The following GZMM variants were observed in gnomAD, a reference collection of about 807,000 sequenced individuals.
The protein encoded by GZMM is granzyme M.
Under a neutral mutation model 19.2 loss-of-function variants are expected in GZMM, and 23 were observed. The observed-to-expected ratio is 1.20, with a 90% CI of 0.86 to 1.69. The LOEUF is 1.69. Ranked by LOEUF, GZMM falls within the 40% of genes most tolerant of loss-of-function variation. GZMM has a pLI of 0.00. For synonymous variants in GZMM, 178 were observed against 160.2 expected (o/e 1.11, Z -0.84); for missense variants, 373 against 352.2 (o/e 1.06, Z -0.47).
At chr19:549,273 C>G in intron 4 of GZMM, 88 bp downstream of exon 4, 1 of 1,287,470 alleles carries the variant, frequency 7.8e-7, no homozygotes, top group Non-Finnish European at 1.1e-6. Context: ...CTGGCTCTCC[C>G]GTTCTCTGGG....
intron 2 of GZMM, among the ~76,000 whole-genome samples, chr19:547,796 G>A (rs1043350448): frequency 2.0e-5 from 3 of 152,222 alleles, no homozygotes; most frequent in Middle Eastern, 3.4e-3. Context: ...GGGTCAGGTG[G>A]GGGTGTTTGC....
At position 547,395 on chromosome 19, in the gene GZMM, C is replaced by T. The variant is rs1980328899; in HGVS notation, c.171C>T (p.His57=). 6.6e-7 allele frequency: 1 copy of T among 1,522,530 alleles called. No individual in the cohort carries two copies. The highest frequency in any genetic ancestry group is 8.8e-7 in the Non-Finnish European group (1 of 1,134,662). The allele number at this position is 1,522,530 out of a possible 1,614,324, so 94.3% of individuals were successfully genotyped here. The change falls in exon 2 of 5, where the codon CAC becomes CAT. Residue 57 remains histidine (H), a synonymous_variant. Coordinates refer to ENST00000264553, the MANE Select transcript of GZMM (RefSeq NM_005317.4). ...GSHLCGGVLV[H]PKWVLTAAHC... The stretch of plus-strand genomic sequence containing the variant: ...ACCTGTGCGGGGGTGTCCTGGTGCA[C>T]CCAAAGTGGGTGCTGACGGCTGCCC...
At chr19:546,395 G>C (rs1980282578) in intron 1 of GZMM, among the ~76,000 whole-genome samples, 1 of 151,814 alleles carries the variant, frequency 6.6e-6, no homozygotes. Context: ...AAAAAAATTA[G>C]CCGGACGTGG....
intron 1 of GZMM, among the ~76,000 whole-genome samples, chr19:544,960 AACC>A (rs59558746): frequency 0.24 from 16,280 of 67,168 alleles, 1,352 homozygotes; most frequent in Middle Eastern, 0.38. Flanking sequence ...CCCTCCTTTC[AACC>A]TCCCTCCTTC....
intron 1 of GZMM, among the ~76,000 whole-genome samples, chr19:545,746 C>T (rs1178390544): frequency 1.3e-5 from 2 of 151,734 alleles, no homozygotes; most frequent in East Asian, 1.9e-4. Flanking sequence ...CGGGTTCAAG[C>T]GATTCTCCTG....
intron 1 of GZMM, among the ~76,000 whole-genome samples, chr19:546,076 G>GC (rs1980271009): frequency 1.3e-5 from 2 of 152,142 alleles, no homozygotes; most frequent in South Asian, 4.1e-4. Context: ...CACTGCACCG[G>GC]CCCGCAAGCG....
At position 548,965 on chromosome 19, in the gene GZMM, C is replaced by T; in HGVS notation, c.392C>T (p.Ala131Val). The T allele has an allele frequency of 6.3e-7, 1 of 1,599,558 alleles. No individual in the cohort carries two copies. Among genetic ancestry groups the T allele is most frequent in the Non-Finnish European group, 8.5e-7 (1 of 1,172,364 alleles). The part of the protein sequence containing the change: ...VKPSRTIRPL[A>V]LPSKRQVVAA... ...CCCAGCCGGACCATCCGGCCGTTGGCCCTGCCCAGTAAGCGCCAGGTGGTG... is the reference window on the plus strand; with the variant it reads ...CCCAGCCGGACCATCCGGCCGTTGGTCCTGCCCAGTAAGCGCCAGGTGGTG... Residue 131 changes from alanine (A) to valine (V), a missense_variant, in exon 4 of 5, where the codon GCC becomes GTC. Transcript: ENST00000264553.
intron 4 of GZMM, 35 bp from the exon 5 acceptor site, chr19:549,595 T>C (rs1599883): frequency 0.96 from 1,526,269 of 1,594,540 alleles, 731,091 homozygotes; most frequent in East Asian, 1. Flanking sequence ...CCTCAGCAGG[T>C]GCAGAGGCTG....
In GZMM at chr19:549,707, C is replaced by T. The variant is rs139629210; in HGVS notation, c.690C>T (p.Cys230=). 52 of 1,613,710 alleles carry T rather than the reference C, an allele frequency of 3.2e-5. No individual in the cohort carries two copies. In the African/African-American group the frequency reaches 6.3e-4, roughly 19 times the overall value. Reference sequence around the variant, plus strand: ...TCCTGTCCTTCAGCTCCAGGGTCTGCACTGACATCTTCAAGCCTCCCGTGG... The same window carrying T: ...TCCTGTCCTTCAGCTCCAGGGTCTGTACTGACATCTTCAAGCCTCCCGTGG... ...ARVLSFSSRV[C]TDIFKPPVAT... is the part of the protein sequence containing the mutation. Residue 230 remains cysteine (C), a synonymous_variant, in exon 5 of 5, where the codon TGC becomes TGT. Transcript: ENST00000264553.
intron 1 of GZMM, among the ~76,000 whole-genome samples, chr19:545,705 A>G (rs555028752): frequency 2.1e-5 from 3 of 143,182 alleles, no homozygotes; most frequent in East Asian, 2.1e-4. Flanking sequence ...GTGCAATGGC[A>G]CGATCTCGGC....
intron 1 of GZMM, among the ~76,000 whole-genome samples, chr19:546,980 C>T (rs542855947): frequency 5.9e-5 from 9 of 151,592 alleles, no homozygotes; most frequent in South Asian, 4.2e-4. Flanking sequence ...CACCCACATC[C>T]GGCCTGATGT....
chr19:545,865 G>A lies in GZMM; in HGVS notation c.56-1415G>A, dbSNP rs995318002. On this transcript the variant is annotated intron_variant, in intron 1 of 4. Coordinates refer to ENST00000264553, the MANE Select transcript of GZMM (RefSeq NM_005317.4). ...TCACCGTGTTAGCCAGGATGGTCTC[G>A]ATCTCCTGACCTCGTGATCCACCTG... Among the ~76,000 whole-genome samples the A allele has an allele frequency of 6.8e-5, 10 of 147,314 alleles. No homozygotes were observed. The East Asian group carries it at 1.1e-3, about 15-fold the overall frequency.
intron 1 of GZMM, 132 bp from the exon 2 acceptor site, chr19:547,148 G>A (rs1223875224): frequency 1.3e-6 from 1 of 773,630 alleles, no homozygotes; most frequent in Non-Finnish European, 1.9e-6. Flanking sequence ...AAAAGTTTCG[G>A]GGAACACTGG....
At chr19:544,961 A>T (rs1239310525) in intron 1 of GZMM, among the ~76,000 whole-genome samples, 8 of 32,062 alleles carry the variant, frequency 2.5e-4, no homozygotes, top group African/African-American at 7.1e-4. Context: ...CCTCCTTTCA[A>T]CCTCCCTCCT....
chr19:549,189 A>AG lies in GZMM; in HGVS notation c.612+8dup. 1 of 1,562,984 alleles carries AG rather than the reference A, an allele frequency of 6.4e-7. No homozygotes were observed. On this transcript the variant is annotated splice_donor_region_variant and intron_variant, in intron 4 of 4. Coordinates refer to ENST00000264553, the MANE Select transcript of GZMM (RefSeq NM_005317.4). Reference sequence around the variant, plus strand: ...CAAGGACCAGGCTCCCTGCAAGGTGAGGGGCGCCCGGGTGGGGCTGGGGGA... The same window carrying AG: ...CAAGGACCAGGCTCCCTGCAAGGTGAGGGGGCGCCCGGGTGGGGCTGGGGGA...
rs776915808 is a variant in GZMM at position 549,123 on chromosome 19, G to A, written c.550G>A (p.Gly184Ser). 4.0e-5 allele frequency: 64 copies of A among 1,580,612 alleles called. No individual in the cohort carries two copies. Among genetic ancestry groups the A allele is most frequent in the Non-Finnish European group, 5.3e-5 (62 of 1,164,482 alleles). ...RMCNNSRFWN[G>S]SLSPSMVCLA... ...GTGTAACAACAGCCGCTTCTGGAAC[G>A]GCAGCCTCTCCCCCAGCATGGTCTG... Residue 184 changes from glycine to serine, a missense_variant, in exon 4 of 5, where the codon GGC becomes AGC. Physicochemically the swap from Gly to Ser is moderately conservative, Grantham distance 56. Coordinates refer to ENST00000264553, the MANE Select transcript of GZMM (RefSeq NM_005317.4).
intron 1 of GZMM, 36 bp downstream of exon 1, chr19:544,162 G>T (rs1029729548): frequency 3.3e-6 from 5 of 1,525,880 alleles, no homozygotes; most frequent in Admixed American, 2.0e-5. Context: ...GGACACTGAG[G>T]CCCAGCGCTC....
chr19:544,299 G>A (rs1427936892), intron 1 of GZMM, among the ~76,000 whole-genome samples, 173 bp downstream of exon 1: 3 of 152,164 alleles, frequency 2.0e-5, no homozygotes, highest in South Asian at 2.1e-4. Flanking sequence ...GCTTCACCCC[G>A]AGTGGACATC....
At chr19:544,620 A>G (rs1980187290) in intron 1 of GZMM, among the ~76,000 whole-genome samples, 1 of 152,026 alleles carries the variant, frequency 6.6e-6, no homozygotes, top group Non-Finnish European at 1.5e-5. Context: ...TTGGGGACCC[A>G]AGAAGATGGA....
Sources: gnomAD v4.1 joint callset for allele counts (sites outside exome capture counted in the v4.1 genomes callset) on GRCh38, gnomAD v4.1.1 for gene constraint, MANE v1.5 for transcripts, NCBI Gene and HGNC (gene_info 2026-07-23, HGNC 2026-07-21) for gene names.